RUNX2: variants seen among roughly 807,000 people sequenced by gnomAD.
The protein encoded by RUNX2 is runt-related transcription factor 2.
Under a neutral mutation model 51.7 loss-of-function variants are expected in RUNX2, and 10 were observed. The observed-to-expected ratio is 0.19, with a 90% CI of 0.12 to 0.33. The LOEUF (loss-of-function observed/expected upper bound fraction) is 0.33, where lower values mean the gene tolerates loss of function less well. Ranked by LOEUF, RUNX2 falls within the 10% of genes least tolerant of loss-of-function variation. RUNX2 has a pLI of 1.00. For synonymous variants in RUNX2, 276 were observed against 273.6 expected (o/e 1.01, Z -0.09); for missense variants, 562 against 691.3 (o/e 0.81, Z 2.10).
chr6:45,528,736 A>G (rs896265599), intron 7 of RUNX2, among the ~76,000 whole-genome samples: 71 of 152,344 alleles, frequency 4.7e-4, no homozygotes, highest in African/African-American at 1.6e-3. Flanking sequence ...ACAGCTCTGA[A>G]GTGAAGAAAC....
At chr6:45,467,001 C>T (rs1328563067) in intron 5 of RUNX2, among the ~76,000 whole-genome samples, 1 of 152,192 alleles carries the variant, frequency 6.6e-6, no homozygotes, top group Non-Finnish European at 1.5e-5. Flanking sequence ...GTCACTTAGA[C>T]TTGTCGCCTT....
At chr6:45,460,474 G>A (rs1011470551) in intron 5 of RUNX2, among the ~76,000 whole-genome samples, 5 of 152,166 alleles carry the variant, frequency 3.3e-5, no homozygotes, top group Non-Finnish European at 7.4e-5. Flanking sequence ...ATGGAGGCTA[G>A]GAGGTGAGTA....
intron 5 of RUNX2, among the ~76,000 whole-genome samples, chr6:45,454,835 C>G (rs115756036): frequency 6.6e-6 from 1 of 152,126 alleles, no homozygotes; most frequent in Admixed American, 6.5e-5. Context: ...AGTCTCAGGC[C>G]GGGCATGCTG....
At chr6:45,345,251 T>C (rs1790609183) in intron 2 of RUNX2, among the ~76,000 whole-genome samples, 1 of 152,230 alleles carries the variant, frequency 6.6e-6, no homozygotes, top group African/African-American at 2.4e-5. Flanking sequence ...TGTTAAAGAC[T>C]GTAAAATGTC....
chr6:45,435,485 G>A (rs1470810918), intron 4 of RUNX2, among the ~76,000 whole-genome samples: 4 of 152,156 alleles, frequency 2.6e-5, no homozygotes, highest in African/African-American at 4.8e-5. Flanking sequence ...AGCCTCTTGA[G>A]TAGCTGGGAT....
chr6:45,407,844 T>G (rs185877497), intron 2 of RUNX2, among the ~76,000 whole-genome samples: 1 of 152,188 alleles, frequency 6.6e-6, no homozygotes, highest in Non-Finnish European at 1.5e-5. Context: ...CTTTAGAGTC[T>G]CAATTAGTCA....
At chr6:45,435,607 C>A (rs1290235234) in intron 4 of RUNX2, among the ~76,000 whole-genome samples, 1 of 152,184 alleles carries the variant, frequency 6.6e-6, no homozygotes, top group Non-Finnish European at 1.5e-5. Context: ...ATCTGCCCTC[C>A]TCCACCTCCC....
chr6:45,334,071 C>A (rs1788056288), intron 2 of RUNX2, among the ~76,000 whole-genome samples: 1 of 151,170 alleles, frequency 6.6e-6, no homozygotes, highest in African/African-American at 2.4e-5. Flanking sequence ...TTTTGGCAAA[C>A]AGTTTAAAGA....
chr6:45,468,618 G>A (rs1176053257), intron 5 of RUNX2, among the ~76,000 whole-genome samples: 4 of 152,114 alleles, frequency 2.6e-5, no homozygotes, highest in African/African-American at 9.7e-5. Flanking sequence ...AACCCAATGT[G>A]TTAAAACTTT....
intron 2 of RUNX2, among the ~76,000 whole-genome samples, chr6:45,345,159 A>T (rs573879789): frequency 3.3e-5 from 5 of 152,314 alleles, no homozygotes; most frequent in Admixed American, 6.5e-5. Context: ...GAATACTTAT[A>T]AAAATCTTTG....
intron 7 of RUNX2, among the ~76,000 whole-genome samples, chr6:45,517,629 A>G (rs919235158): frequency 8.5e-5 from 13 of 152,076 alleles, no homozygotes; most frequent in African/African-American, 3.1e-4. Context: ...CAAAATATGT[A>G]AATATTAACA....
intron 2 of RUNX2, among the ~76,000 whole-genome samples, chr6:45,378,360 T>G (rs1340390407): frequency 2.6e-5 from 4 of 152,192 alleles, no homozygotes; most frequent in South Asian, 4.1e-4. Flanking sequence ...GTTCTAAGCT[T>G]CTTTCCAGGA....
chr6:45,505,083 T>C (rs1231421914), intron 6 of RUNX2, among the ~76,000 whole-genome samples: 1 of 152,192 alleles, frequency 6.6e-6, no homozygotes, highest in Non-Finnish European at 1.5e-5. Flanking sequence ...TTTGCTCCCA[T>C]TGACTTGTTT....
intron 5 of RUNX2, among the ~76,000 whole-genome samples, chr6:45,443,505 G>A (rs1798900339): frequency 6.6e-6 from 1 of 152,196 alleles, no homozygotes; most frequent in Admixed American, 6.5e-5. Context: ...TGACACCAAT[G>A]TCATCAACTT....
chr6:45,465,234 T>A (rs982756138), intron 5 of RUNX2, among the ~76,000 whole-genome samples: 1 of 152,108 alleles, frequency 6.6e-6, no homozygotes, highest in African/African-American at 2.4e-5. Context: ...AAACTCCAAG[T>A]TCCTGTTATA....
intron 2 of RUNX2, among the ~76,000 whole-genome samples, chr6:45,384,563 G>A: frequency 6.6e-6 from 1 of 152,068 alleles, no homozygotes; most frequent in Non-Finnish European, 1.5e-5. Flanking sequence ...GGGATTACAG[G>A]TGTGAGCCAC....
chr6:45,460,986 C>T (rs1465543332), intron 5 of RUNX2, among the ~76,000 whole-genome samples: 5 of 152,110 alleles, frequency 3.3e-5, no homozygotes, highest in African/African-American at 1.2e-4. Flanking sequence ...AAGACAAGAT[C>T]ACTTGGAGGA....
intron 6 of RUNX2, among the ~76,000 whole-genome samples, chr6:45,506,961 T>G (rs904895668): frequency 9.9e-5 from 15 of 151,378 alleles, no homozygotes; most frequent in African/African-American, 3.2e-4. Context: ...TGGCAACAGT[T>G]TTCTTTCCTT....
chr6:45,531,647 G>T (rs2150439175), intron 7 of RUNX2, among the ~76,000 whole-genome samples: 1 of 152,194 alleles, frequency 6.6e-6, no homozygotes, highest in East Asian at 1.9e-4. Context: ...CAGCTACTTG[G>T]GAGGCTGAGG....
Sources: allele counts gnomAD v4.1 joint callset (sites outside exome capture counted in the v4.1 genomes callset), GRCh38; gene constraint gnomAD v4.1.1; transcripts MANE v1.5; gene names NCBI Gene and HGNC (gene_info 2026-07-23, HGNC 2026-07-21).